FHAD1: variants seen among roughly 807,000 people sequenced by gnomAD.
FHAD1 encodes forkhead-associated domain-containing protein 1.
FHAD1 carries 146 observed loss-of-function variants against 191.3 expected under a neutral mutation model. The observed-to-expected ratio is 0.76, with a 90% CI of 0.67 to 0.88. The LOEUF is 0.88. FHAD1 is among the 40% of genes least tolerant of loss of function. FHAD1 has a pLI of 0.00. For missense variants in FHAD1, 1,635 were observed against 1,785.8 expected (o/e 0.92, Z 1.52); for synonymous variants, 616 against 672.3 (o/e 0.92, Z 1.29).
intron 2 of FHAD1, among the ~76,000 whole-genome samples, chr1:15,266,590 AT>A (rs1397708847): frequency 5.3e-5 from 8 of 152,156 alleles, no homozygotes; most frequent in Non-Finnish European, 1.5e-5. Context: ...TTCATATGTT[AT>A]TATTAACTCA....
chr1:15,374,702 G>T (rs1699061905), intron 27 of FHAD1, 71 bp downstream of exon 27: 2 of 1,527,458 alleles, frequency 1.3e-6, no homozygotes, highest in Non-Finnish European at 1.8e-6. Context: ...TGACCAGTTT[G>T]CCAGGACTAC....
chr1:15,355,458 A>G (rs1191081288), intron 20 of FHAD1, among the ~76,000 whole-genome samples: 1 of 152,182 alleles, frequency 6.6e-6, no homozygotes, highest in Non-Finnish European at 1.5e-5. Flanking sequence ...GGAGAGAGGA[A>G]AGGAATTTCA....
At position 15,381,539 on chromosome 1, in the gene FHAD1, G is replaced by T. The variant is rs1162247644; in HGVS notation, c.4022+88G>T. 3 of 1,031,670 alleles carry T rather than the reference G, an allele frequency of 2.9e-6. No individual in the cohort carries two copies. The highest frequency in any genetic ancestry group is 4.3e-6 in the Non-Finnish European group (3 of 692,344). The allele number at this position is 1,031,670 out of a possible 1,614,324, so 63.9% of individuals were successfully genotyped here. On this transcript the variant is annotated intron_variant, in intron 30 of 33. Transcript: ENST00000688493. This position sits in a 1 kb window ranked among gnomAD's most constrained non-coding sequence, Gnocchi z 4.6. ...AGGCTAGCAGCAGACCTCTAGGCCT[G>T]GGACAGGAGGACAGAGACCCACGTG... is the stretch of plus-strand genomic sequence containing the variant.
At chr1:15,374,420 C>T (rs1363387596) in intron 26 of FHAD1, 82 bp from the exon 27 acceptor site, 39 of 1,517,784 alleles carry the variant, frequency 2.6e-5, no homozygotes, top group Non-Finnish European at 3.3e-5. Flanking sequence ...TTCCTCTATA[C>T]ATGAATTGTT....
chr1:15,306,611 A>C (rs1249165700), intron 6 of FHAD1, among the ~76,000 whole-genome samples: 1 of 152,190 alleles, frequency 6.6e-6, no homozygotes, highest in Non-Finnish European at 1.5e-5. Context: ...TTGGTGCCCT[A>C]TATCCCACCC....
chr1:15,245,747 C>A (rs1645944335), upstream of FHAD1, among the ~76,000 whole-genome samples: 1 of 152,236 alleles, frequency 6.6e-6, no homozygotes, highest in Non-Finnish European at 1.5e-5. Context: ...GAGGTCTCTG[C>A]AGTTCAGCTG....
intron 2 of FHAD1, among the ~76,000 whole-genome samples, chr1:15,256,773 A>G (rs12039500): frequency 0.71 from 107,805 of 151,950 alleles, 39,287 homozygotes; most frequent in East Asian, 0.95. Context: ...GGCAGCCAGA[A>G]TCAATGCAGT....
intron 26 of FHAD1, among the ~76,000 whole-genome samples, chr1:15,371,668 C>T (rs1698138797): frequency 6.6e-6 from 1 of 152,168 alleles, no homozygotes; most frequent in African/African-American, 2.4e-5. Flanking sequence ...AGACAGAGAG[C>T]AAGGGAGAAC....
chr1:15,383,349 C>T (rs938722967), intron 31 of FHAD1: 4 of 425,254 alleles, frequency 9.4e-6, no homozygotes, highest in South Asian at 6.9e-5. Flanking sequence ...ACACTGCCTT[C>T]CCCATGCTGC....
At chr1:15,301,119 C>T (rs576901954) in intron 5 of FHAD1, 86 bp from the exon 6 acceptor site, 37 of 1,211,778 alleles carry the variant, frequency 3.1e-5, no homozygotes, top group African/African-American at 6.1e-5. Context: ...CGTGAGCCAC[C>T]GCACCCGGCC....
chr1:15,319,983 C>T (rs1675733625), intron 10 of FHAD1, among the ~76,000 whole-genome samples: 1 of 152,190 alleles, frequency 6.6e-6, no homozygotes, highest in African/African-American at 2.4e-5. Context: ...TCAAAATGCT[C>T]TCTGGGCTAT....
At chr1:15,377,666 C>T (rs1699980673) in intron 28 of FHAD1, among the ~76,000 whole-genome samples, 1 of 151,934 alleles carries the variant, frequency 6.6e-6, no homozygotes, top group Admixed American at 6.6e-5. Context: ...TGGCGAGACC[C>T]TGTCTCTACA....
Position 15,239,891 on chromosome 1 carries a change from A to G in FHAD1, c.-15+3130A>G, listed in dbSNP as rs148850714. Reference sequence around the variant, plus strand: ...GTTTGTCAGAATCTTTTAAAGCTGAACATCTGCTGAATCTGCAACTCAGCA... The same window carrying G: ...GTTTGTCAGAATCTTTTAAAGCTGAGCATCTGCTGAATCTGCAACTCAGCA... On this transcript the variant is annotated intron_variant, in intron 1 of 33. Coordinates refer to the FHAD1 transcript ENST00000683790. Among the ~76,000 whole-genome samples, 741 of 152,326 alleles carry G rather than the reference A, an allele frequency of 4.9e-3. 8 individuals are homozygous for G. Among genetic ancestry groups the G allele is most frequent in the African/African-American group, 0.017 (701 of 41,558 alleles).
intron 7 of FHAD1, among the ~76,000 whole-genome samples, chr1:15,309,223 G>A (rs963059167): frequency 1.3e-5 from 2 of 152,200 alleles, no homozygotes; most frequent in Admixed American, 1.3e-4. Flanking sequence ...AACTTGGGTG[G>A]GCAAGGGGGC....
chr1:15,360,271 G>T (rs932841793), intron 21 of FHAD1, among the ~76,000 whole-genome samples: 1 of 152,242 alleles, frequency 6.6e-6, no homozygotes, highest in African/African-American at 2.4e-5. Context: ...CTCAGAGGAC[G>T]TGATGCTGGA....
At chr1:15,365,782 T>C (rs1453696632) in intron 23 of FHAD1, 45 bp from the exon 24 acceptor site, 2 of 1,236,388 alleles carry the variant, frequency 1.6e-6, no homozygotes, top group Non-Finnish European at 1.2e-6. Flanking sequence ...GGAGATAACA[T>C]GGAGTTTGAG....
Position 15,384,242 on chromosome 1 carries a change from G to A in FHAD1, c.4188+2049G>A, listed in dbSNP as rs745384475. The A allele has an allele frequency of 7.0e-4, 110 of 156,750 alleles. 1 individual carries two copies. Among genetic ancestry groups the A allele is most frequent in the Middle Eastern group, 3.0e-3 (1 of 336 alleles). The allele number at this position is 156,750 out of a possible 1,614,324, so 9.7% of individuals were successfully genotyped here. The stretch of plus-strand genomic sequence containing the variant: ...AAAATGAAGGCAGCGCTCTGCTCTG[G>A]ACGTGGCCTTTCCAGCACTCACCAC... On this transcript the variant is annotated intron_variant, in intron 31 of 33. Transcript: ENST00000688493.
chr1:15,300,922 C>T (rs893808112), intron 5 of FHAD1, among the ~76,000 whole-genome samples: 5 of 152,122 alleles, frequency 3.3e-5, no homozygotes, highest in Admixed American at 1.3e-4. Flanking sequence ...CTCTGCCTCC[C>T]GGGTTCAAGC....
chr1:15,341,705 T>C, intron 15 of FHAD1, 31 bp from the exon 16 acceptor site: 2 of 1,534,964 alleles, frequency 1.3e-6, no homozygotes, highest in Non-Finnish European at 1.8e-6. Context: ...CTGTCCCCCA[T>C]CAGCATCGGT....
Sources: gnomAD v4.1 joint callset for allele counts (sites outside exome capture counted in the v4.1 genomes callset) on GRCh38, gnomAD v4.1.1 for gene constraint, Gnocchi (gnomAD v3.1) non-coding constraint, MANE v1.5 for transcripts, NCBI Gene and HGNC (gene_info 2026-07-23, HGNC 2026-07-21) for gene names.